Variants in ZFP36L1 observed in about 807,000 individuals in gnomAD.
ZFP36L1 encodes ZFP36 like 1 zinc finger CCCH-type.
ZFP36L1 carries 4 observed loss-of-function variants against 16.7 expected under a neutral mutation model. That is an observed-to-expected ratio of 0.24 (90% CI 0.12 to 0.55). The LOEUF (loss-of-function observed/expected upper bound fraction) is 0.55. Among genes scored for constraint, ZFP36L1 ranks in the 20% least tolerant of loss-of-function variants. The probability of loss-of-function intolerance (pLI) is 0.94; values close to 1 mark genes in which losing one functional copy is unlikely to be tolerated. For missense variants in ZFP36L1, 311 were observed against 449.2 expected (o/e 0.69, Z 2.78); for synonymous variants, 220 against 190.8 (o/e 1.15, Z -1.26).
rs1410013181 is a variant in ZFP36L1 at position 68,793,019 on chromosome 14, T to C, written c.-81A>G. On this transcript the variant is annotated 5_prime_UTR_variant, in exon 1 of 2. Transcript: ENST00000439696. ...TGCGGGGAAGGCGCAGCCTCTCCTGTCTGGAGTCCCACACGCCAGTTCCCG... is the reference window on the plus strand; with the variant it reads ...TGCGGGGAAGGCGCAGCCTCTCCTGCCTGGAGTCCCACACGCCAGTTCCCG... The C allele has an allele frequency of 6.2e-7, 1 of 1,605,982 alleles. No homozygotes were observed. Among genetic ancestry groups the C allele is most frequent in the Non-Finnish European group, 8.5e-7 (1 of 1,178,302 alleles).
upstream of ZFP36L1, chr14:68,794,680 T>C (rs940376539): frequency 6.6e-6 from 1 of 152,420 alleles, no homozygotes; most frequent in East Asian, 1.9e-4. Context: ...TGAGCACGTT[T>C]CTTTGGAAAG....
upstream of ZFP36L1, chr14:68,793,085 G>A: frequency 6.4e-7 from 1 of 1,557,492 alleles, no homozygotes; most frequent in Non-Finnish European, 8.6e-7. Flanking sequence ...GGCGCGCAAA[G>A]CCCAATTTAT....
chr14:68,795,509 C>G (rs1264344537), upstream of ZFP36L1, among the ~76,000 whole-genome samples: 1 of 152,224 alleles, frequency 6.6e-6, no homozygotes, highest in Non-Finnish European at 1.5e-5. Context: ...GCGCCGCTTT[C>G]CCTCCAAGGC....
chr14:68,793,962 G>A, upstream of ZFP36L1: 1 of 981,510 alleles, frequency 1.0e-6, no homozygotes, highest in Non-Finnish European at 1.2e-6. Context: ...CACAACCCGG[G>A]ACGATTGTTT....
At chr14:68,793,991 G>A (rs1209746397), upstream of ZFP36L1, 1 of 948,798 alleles carries the variant, frequency 1.1e-6, no homozygotes, top group South Asian at 4.9e-5. Context: ...AGGCCTAGGC[G>A]TGCCGTTTCT....
At position 68,790,885 on chromosome 14, in the gene ZFP36L1, G is replaced by A. The variant is rs74060163; in HGVS notation, c.58-393C>T. On this transcript the variant is annotated intron_variant, in intron 1 of 1. Coordinates refer to ENST00000439696, the MANE Select transcript of ZFP36L1 (RefSeq NM_004926.4). ...GCACCCCGCCCCCGCCACCGCCCGC[G>A]ACAAAAACAGGTAAACCTCAGAAAG... 5.7e-3 allele frequency: 2,641 copies of A among 463,338 alleles called. 61 individuals carry two copies. The highest frequency in any genetic ancestry group is 0.05 in the African/African-American group (2,320 of 46,800). The allele number at this position is 463,338 out of a possible 1,614,324, so 28.7% of individuals were successfully genotyped here. A position where few individuals can be genotyped will look rare whatever the true frequency, so the allele number is the denominator to read the frequency against.
At chr14:68,796,203 G>C (rs1895252727), upstream of ZFP36L1, 11 of 1,366,812 alleles carry the variant, frequency 8.0e-6, no homozygotes, top group Non-Finnish European at 1.1e-5. Context: ...TTTTAGCTTG[G>C]AGGTGGTGGT....
rs2140209254 is a variant in ZFP36L1, at chr14:68,790,012, C to T, written c.538G>A (p.Glu180Lys). 6.2e-7 allele frequency: 1 copy of T among 1,609,474 alleles called. No individual in the cohort carries two copies. The highest frequency in any genetic ancestry group is 8.5e-7 in the Non-Finnish European group (1 of 1,178,372). The part of the protein sequence containing the change: ...GPRCHFIHNA[E>K]ERRALAGARD... ...GCCCCGGCCAGGGCACGGCGCTCTT[C>T]AGCGTTGTGGATGAAGTGGCAGCGG... The change falls in exon 2 of 2, where the codon GAA becomes AAA. Residue 180 changes from glutamate to lysine, a missense_variant. By Grantham distance (56) the Glu-to-Lys change is moderately conservative. Transcript: ENST00000439696.
rs1033071477 is a variant in ZFP36L1, at chr14:68,787,703, T to C, written c.*1830A>G. ...GGTTTATTGATTTTTAAACTGCAAA[T>C]AGTCGTTACAAAAAGTTTTTTTTTC... On this transcript the variant is annotated 3_prime_UTR_variant, in exon 2 of 2. Coordinates refer to ENST00000439696, the MANE Select transcript of ZFP36L1 (RefSeq NM_004926.4). The C allele has an allele frequency of 1.3e-5, 2 of 151,584 alleles. No individual in the cohort carries two copies. Among genetic ancestry groups the C allele is most frequent in the South Asian group, 2.1e-4 (1 of 4,756 alleles). 9.4% of individuals were successfully genotyped at this position (151,584 alleles called of 1,614,324 possible).
chr14:68,792,853 T>A (rs1192779559), intron 1 of ZFP36L1, 29 bp downstream of exon 1: 1 of 1,613,896 alleles, frequency 6.2e-7, no homozygotes, highest in Non-Finnish European at 8.5e-7. Context: ...AAAGACTTTT[T>A]GAAAAGCAAA....
At chr14:68,793,730 G>T, upstream of ZFP36L1, 1 of 985,544 alleles carries the variant, frequency 1.0e-6, no homozygotes, top group South Asian at 4.7e-5. Context: ...GGGACGCACA[G>T]AATGTTCAAG....
rs769235506 is a variant in ZFP36L1 at position 68,789,991 on chromosome 14, C to T, written c.559G>A (p.Gly187Arg). ...CGGTCAGCGGAGAGGTCCCGGGCCC[C>T]GGCCAGGGCACGGCGCTCTTCAGCG... Reference protein sequence around the residue: ...HNAEERRALAGARDLSADRPR... With the variant: ...HNAEERRALARARDLSADRPR... The change falls in exon 2 of 2, where the codon GGG (glycine) becomes AGG (arginine). Residue 187 changes from glycine to arginine, a missense_variant. Gly to Arg is a moderately radical substitution (Grantham distance 125). This residue lies in a region of ZFP36L1 where 147 missense variants were observed against 192.0 expected (regional missense o/e 0.77). Transcript: ENST00000439696. This position sits in a 1 kb window ranked among gnomAD's most constrained non-coding sequence, Gnocchi z 4.5. 2.5e-6 allele frequency: 4 copies of T among 1,606,036 alleles called. No individual in the cohort carries two copies. The South Asian group carries it at 3.3e-5, about 13-fold the overall frequency.
chr14:68,792,861 A>C (rs1895138209), intron 1 of ZFP36L1, 21 bp downstream of exon 1: 1 of 1,613,978 alleles, frequency 6.2e-7, no homozygotes, highest in Non-Finnish European at 8.5e-7. Context: ...TTTGAAAAGC[A>C]AATGCTCCGC....
In ZFP36L1 at chr14:68,790,452, C is replaced by T; in HGVS notation, c.98G>A (p.Gly33Asp). The change falls in exon 2 of 2, where the codon GGT becomes GAT. Residue 33 changes from glycine (G) to aspartate (D), a missense_variant. Physicochemically the swap from Gly to Asp is moderately conservative, Grantham distance 94 (BLOSUM62 -1). This residue lies in a region of ZFP36L1 where 137 missense variants were observed against 142.6 expected (regional missense o/e 0.96). Transcript: ENST00000439696. ...CACTGCCTTTCTGTCCAGCAGGCAA[C>T]CCCCTGCACTGGGAGCACTATAGTT... is the stretch of plus-strand genomic sequence containing the variant. ...MLNYSAPSAG[G>D]CLLDRKAVGT... 1 of 1,614,080 alleles carries T rather than the reference C, an allele frequency of 6.2e-7. No homozygotes were observed. Among genetic ancestry groups the T allele is most frequent in the East Asian group, 2.2e-5 (1 of 44,884 alleles).
chr14:68,790,748 C>A (rs559362467), intron 1 of ZFP36L1, among the ~76,000 whole-genome samples: 2 of 152,120 alleles, frequency 1.3e-5, no homozygotes, highest in Non-Finnish European at 2.9e-5. Flanking sequence ...TGCAATGCAA[C>A]CCCCATGTCC....
upstream of ZFP36L1, among the ~76,000 whole-genome samples, chr14:68,795,441 C>T (rs1449838348): frequency 1.3e-5 from 2 of 152,176 alleles, no homozygotes; most frequent in Non-Finnish European, 2.9e-5. Context: ...GGGCGGGGCC[C>T]CCTTCCCGGC....
upstream of ZFP36L1, chr14:68,796,104 T>A (rs1223022718): frequency 7.3e-7 from 1 of 1,362,178 alleles, no homozygotes. Flanking sequence ...CGGGAGGCGG[T>A]GGGCCGGCTC....
In ZFP36L1 at chr14:68,787,844, T is replaced by C. The variant is rs1452607057; in HGVS notation, c.*1689A>G. 2 of 152,712 alleles carry C rather than the reference T, an allele frequency of 1.3e-5. No individual in the cohort carries two copies. The highest frequency in any genetic ancestry group is 2.9e-5 in the Non-Finnish European group (2 of 68,024). 9.5% of individuals were successfully genotyped at this position (152,712 alleles called of 1,614,324 possible). On this transcript the variant is annotated 3_prime_UTR_variant, in exon 2 of 2. Transcript: ENST00000439696. ...TGTGCCAGTTCTGTTTACATTAACA[T>C]TGGAAAACTCCAGACCTGGAATCCA... is the stretch of plus-strand genomic sequence containing the variant.
intron 1 of ZFP36L1, chr14:68,791,158 G>C (rs911504230): frequency 3.0e-6 from 2 of 674,730 alleles, no homozygotes; most frequent in Non-Finnish European, 2.7e-6. Context: ...TCCCGGAAGA[G>C]ATATTTTCTA....
Sources: gnomAD v4.1 joint callset for allele counts (sites outside exome capture counted in the v4.1 genomes callset) on GRCh38, gnomAD v4.1.1 for gene constraint, gnomAD v4.1.1 regional missense constraint, Gnocchi (gnomAD v3.1) non-coding constraint, MANE v1.5 for transcripts, NCBI Gene and HGNC (gene_info 2026-07-23, HGNC 2026-07-21) for gene names.